FTCDNL1: variants seen among roughly 807,000 people sequenced by gnomAD.
FTCDNL1 encodes formiminotransferase cyclodeaminase N-terminal like, also known as formiminotransferase N-terminal subdomain-containing protein.
FTCDNL1 carries 11 observed loss-of-function variants against 5.9 expected under a neutral mutation model. The ratio of observed to expected loss-of-function variants is 1.87; its 90% confidence interval spans 1.18 to 3.10. FTCDNL1 has a LOEUF of 3.10. Among genes scored for constraint, FTCDNL1 ranks in the 30% most tolerant of loss-of-function variants. The pLI is 0.00. For missense variants in FTCDNL1, 115 were observed against 65.5 expected, an observed-to-expected ratio of 1.76 and a Z score of -2.61; for synonymous variants, 58 against 24.8, an observed-to-expected ratio of 2.34 and a Z score of -3.99.
intron 3 of FTCDNL1, among the ~76,000 whole-genome samples, chr2:199,833,389 C>T (rs920306540): frequency 2.0e-5 from 3 of 152,184 alleles, no homozygotes; most frequent in Non-Finnish European, 4.4e-5. Context: ...CACATATACA[C>T]CCTGAGTGGG....
At chr2:199,760,163 G>A (rs147479632), downstream of FTCDNL1, among the ~76,000 whole-genome samples, 1,268 of 151,914 alleles carry the variant, frequency 8.3e-3, 8 homozygotes, top group Non-Finnish European at 0.011. Context: ...TTCTGGGGGT[G>A]GAGCGGGGGA....
chr2:199,839,388 C>T (rs578122315), intron 3 of FTCDNL1, among the ~76,000 whole-genome samples: 101 of 152,050 alleles, frequency 6.6e-4, no homozygotes, highest in Middle Eastern at 3.4e-3. Flanking sequence ...AGCAAGTAGA[C>T]GAAATTCACC....
the FTCDNL1 span, among the ~76,000 whole-genome samples, chr2:199,663,888 G>A: frequency 3.3e-5 from 5 of 151,992 alleles, no homozygotes. Context: ...GTGTTCTTTA[G>A]AATTTTTCAT....
At chr2:199,728,299 G>C in the FTCDNL1 span, among the ~76,000 whole-genome samples, 8 of 151,506 alleles carry the variant, frequency 5.3e-5, no homozygotes, top group Non-Finnish European at 1.2e-4. Context: ...CCAGACTGGA[G>C]TGCAGTGGTG....
chr2:199,714,811 T>C, the FTCDNL1 span, among the ~76,000 whole-genome samples: 3 of 151,662 alleles, frequency 2.0e-5, no homozygotes, highest in African/African-American at 4.9e-5. Context: ...GACACTGCAG[T>C]CCTGTTAAAG....
At chr2:199,826,316 C>T (rs1248053665) in intron 3 of FTCDNL1, among the ~76,000 whole-genome samples, 3 of 152,014 alleles carry the variant, frequency 2.0e-5, no homozygotes, top group Non-Finnish European at 2.9e-5. Context: ...GCTTTTAAGT[C>T]CAGAAAGTAT....
chr2:199,820,610 G>C (rs1189991901), intron 3 of FTCDNL1, among the ~76,000 whole-genome samples: 1 of 152,190 alleles, frequency 6.6e-6, no homozygotes, highest in Non-Finnish European at 1.5e-5. Flanking sequence ...CTCTGGGCCA[G>C]ATGCTACATA....
At chr2:199,670,971 A>C in the FTCDNL1 span, among the ~76,000 whole-genome samples, 1 of 152,306 alleles carries the variant, frequency 6.6e-6, no homozygotes, top group Non-Finnish European at 1.5e-5. Context: ...CGGAAGAAGT[A>C]CACGCCAGTG....
At chr2:199,742,049 C>T in the FTCDNL1 span, among the ~76,000 whole-genome samples, 1 of 152,114 alleles carries the variant, frequency 6.6e-6, no homozygotes, top group Non-Finnish European at 1.5e-5. Context: ...ATATGCCCCA[C>T]AGCAGACCCA....
chr2:199,814,711 A>G (rs528030093), intron 4 of FTCDNL1, among the ~76,000 whole-genome samples: 10 of 152,322 alleles, frequency 6.6e-5, no homozygotes, highest in Non-Finnish European at 1.3e-4. Context: ...ATTTTTCATC[A>G]TCCCAACTAG....
At chr2:199,716,829 A>C in the FTCDNL1 span, among the ~76,000 whole-genome samples, 4,948 of 152,246 alleles carry the variant, frequency 0.033, 258 homozygotes, top group African/African-American at 0.11. Flanking sequence ...GATAAATGTA[A>C]GTGTTAAATC....
At chr2:199,665,465 C>T in the FTCDNL1 span, among the ~76,000 whole-genome samples, 1 of 151,714 alleles carries the variant, frequency 6.6e-6, no homozygotes, top group African/African-American at 2.4e-5. Flanking sequence ...AACCCCGTCT[C>T]TACTAAAAAT....
At chr2:199,757,082 T>C (rs1192218573), downstream of FTCDNL1, among the ~76,000 whole-genome samples, 8 of 152,138 alleles carry the variant, frequency 5.3e-5, no homozygotes, top group Non-Finnish European at 1.0e-4. Context: ...CAAACACTAA[T>C]GCAATCTACT....
chr2:199,710,770 C>T, the FTCDNL1 span, among the ~76,000 whole-genome samples: 52 of 152,220 alleles, frequency 3.4e-4, no homozygotes, highest in East Asian at 3.9e-4. Context: ...CCCCTGAAGT[C>T]GTAGCATTCT....
At chr2:199,757,687 T>A (rs577922874), downstream of FTCDNL1, among the ~76,000 whole-genome samples, 4 of 152,334 alleles carry the variant, frequency 2.6e-5, no homozygotes, top group South Asian at 8.3e-4. Flanking sequence ...TGTTGGCAGC[T>A]TGCTCTCTCT....
At chr2:199,807,477 GAA>G (rs35687967), downstream of FTCDNL1, among the ~76,000 whole-genome samples, 8 of 149,298 alleles carry the variant, frequency 5.4e-5, no homozygotes, top group Admixed American at 2.0e-4. Flanking sequence ...GTTTCTACTG[GAA>G]AAAAAAAAAT....
At chr2:199,795,890 T>C (rs1700147607) in intron 3 of FTCDNL1, among the ~76,000 whole-genome samples, 2 of 152,184 alleles carry the variant, frequency 1.3e-5, no homozygotes, top group Admixed American at 1.3e-4. Flanking sequence ...CTATTATCTC[T>C]CTTAATGTCA....
chr2:199,798,354 C>T (rs1700271860), intron 3 of FTCDNL1, among the ~76,000 whole-genome samples: 1 of 152,152 alleles, frequency 6.6e-6, no homozygotes, highest in African/African-American at 2.4e-5. Flanking sequence ...AGATCTCAGT[C>T]TAGTGAGAAA....
At position 199,786,724 on chromosome 2, in the gene FTCDNL1, G is replaced by A. The variant is rs954288910; in HGVS notation, c.212-25889C>T. Among the ~76,000 whole-genome samples, 5 of 152,092 alleles carry A rather than the reference G, an allele frequency of 3.3e-5. 1 individual carries two copies. Among genetic ancestry groups the A allele is most frequent in the South Asian group, 4.1e-4 (2 of 4,826 alleles). ...GTGAACCTTCAAATTGCTGTTAGCC[G>A]GCGATCAGTGTTGAAACACTAGCAC... On this transcript the variant is annotated intron_variant, in intron 3 of 3. Coordinates refer to the FTCDNL1 transcript ENST00000416668.
Sources: allele counts gnomAD v4.1 joint callset (sites outside exome capture counted in the v4.1 genomes callset), GRCh38; gene constraint gnomAD v4.1.1; transcripts MANE v1.5; gene names NCBI Gene and HGNC (gene_info 2026-07-23, HGNC 2026-07-21).